CFAP74: variants seen among roughly 807,000 people sequenced by gnomAD.
The protein encoded by CFAP74 is cilia and flagella associated protein 74, also known as cilia- and flagella-associated protein 74.
Under a neutral mutation model 188.9 loss-of-function variants are expected in CFAP74, and 124 were observed. The ratio of observed to expected loss-of-function variants is 0.66; its 90% CI spans 0.57 to 0.76. The LOEUF (loss-of-function observed/expected upper bound fraction) is 0.76, where lower values mean the gene tolerates loss of function less well. CFAP74 is among the 30% of genes least tolerant of loss of function. The pLI, the probability that CFAP74 is intolerant of heterozygous loss-of-function variation, is 0.00. For synonymous variants in CFAP74, 956 were observed against 916.7 expected (o/e 1.04, Z -0.77); for missense variants, 2,198 against 2,165.2 (o/e 1.02, Z -0.30).
intron 12 of CFAP74, 96 bp downstream of exon 12, chr1:1,966,275 G>A (rs958083851): frequency 8.3e-7 from 1 of 1,198,302 alleles, no homozygotes; most frequent in African/African-American, 1.6e-5. Flanking sequence ...AAGCCTCAGA[G>A]CAGCTGGTGT....
chr1:1,985,377 C>T lies in CFAP74; in HGVS notation c.500+9G>A. On this transcript the variant is annotated intron_variant, in intron 6 of 38. Transcript: ENST00000682832. ...GCCTGCTGCCAGTCCCGGCTGCACA[C>T]CGACTCACTCGCTCTCCTTCAGCAC... is the stretch of plus-strand genomic sequence containing the variant. 6.2e-7 allele frequency: 1 copy of T among 1,611,778 alleles called. No homozygotes were observed. Among genetic ancestry groups the T allele is most frequent in the Non-Finnish European group, 8.5e-7 (1 of 1,177,970 alleles).
At chr1:1,953,126 GA>G (rs1041608536) in intron 18 of CFAP74, among the ~76,000 whole-genome samples, 1 of 151,650 alleles carries the variant, frequency 6.6e-6, no homozygotes, top group Non-Finnish European at 1.5e-5. Context: ...AAATATTGTG[GA>G]AAAAAAAGAA....
Position 1,972,954 on chromosome 1 carries a change from C to G in CFAP74, c.768G>C (p.Leu256=). Residue 256 remains leucine (L), a synonymous_variant, in exon 8 of 39, where the codon CTG becomes CTC. Coordinates refer to ENST00000682832, the MANE Select transcript of CFAP74 (RefSeq NM_001304360.2). ...RKNHKVAVRF[L]KASLGRIREQ... ...GGCCCTACCTTCCCAGGGAGGCCTT[C>G]AGGAACCGCACGGCAACCTTGTGGT... The G allele has an allele frequency of 6.2e-7, 1 of 1,613,840 alleles. No homozygotes were observed. The highest frequency in any genetic ancestry group is 8.5e-7 in the Non-Finnish European group (1 of 1,179,858).
At chr1:1,971,434 C>CACACACACATGCCAAT (rs1656067754) in intron 9 of CFAP74, among the ~76,000 whole-genome samples, 1 of 152,158 alleles carries the variant, frequency 6.6e-6, no homozygotes. Context: ...CACATGCAAA[C>CACACACACATGCCAAT]GTGCACACAC....
At chr1:1,971,004 A>C (rs1421129503) in intron 9 of CFAP74, among the ~76,000 whole-genome samples, 188 bp from the exon 10 acceptor site, 1 of 149,750 alleles carries the variant, frequency 6.7e-6, no homozygotes, top group Non-Finnish European at 1.5e-5. Context: ...ACACACGCAC[A>C]CCTGCACATG....
rs1474132172 is a variant in CFAP74 at position 1,948,903 on chromosome 1, CTTCCTTCCTTCCCT to C, written c.2177-1863_2177-1850del. On this transcript the variant is annotated intron_variant, in intron 18 of 38. Transcript: ENST00000682832. ...CTTCCTTCCTTCCCTCCCTCCTTCC[CTTCCTTCCTTCCCT>C]TTCCTTCCTTCCTCTTTCCTCCCTT... Among the ~76,000 whole-genome samples the C allele has an allele frequency of 1.7e-4, 8 of 47,844 alleles. No homozygotes were observed. In the South Asian group the frequency reaches 4.3e-3, roughly 26 times the overall value. The allele number at this position is 47,844 out of a possible 152,430, so 31.4% of individuals were successfully genotyped here. A position where few individuals can be genotyped will look rare whatever the true frequency, so the allele number is the denominator to read the frequency against.
chr1:1,974,178 T>G lies in CFAP74; in HGVS notation c.521A>C (p.Glu174Ala). Reference protein sequence around the residue: ...KESENTMWHIEIQEGRLEAFR... With the variant: ...KESENTMWHIAIQEGRLEAFR... ...GGCCTCGAGTCGCCCCTCCTGGATC[T>G]CGATGTGCCACATGGTGTTCCTTCA... is the stretch of plus-strand genomic sequence containing the variant. Residue 174 changes from glutamate to alanine, a missense_variant, in exon 7 of 39, where the codon GAG becomes GCG. Glu to Ala is a moderately radical substitution (Grantham distance 107, BLOSUM62 -1). Transcript: ENST00000682832. 1.2e-6 allele frequency: 2 copies of G among 1,607,236 alleles called. No individual in the cohort carries two copies. The highest frequency in any genetic ancestry group is 2.2e-5 in the South Asian group (2 of 90,412).
chr1:1,958,217 G>C (rs1468940843), intron 16 of CFAP74, among the ~76,000 whole-genome samples: 2 of 152,256 alleles, frequency 1.3e-5, no homozygotes, highest in Non-Finnish European at 2.9e-5. Context: ...GAGGGCGTCT[G>C]CTGATCTTCC....
intron 8 of CFAP74, 118 bp from the exon 9 acceptor site, chr1:1,972,200 C>A (rs1425482101): frequency 2.0e-5 from 15 of 752,596 alleles, no homozygotes; most frequent in Non-Finnish European, 3.4e-5. Context: ...CCTGTCTCAG[C>A]CTCCCAAAGC....
In CFAP74 at chr1:1,946,420, C is replaced by A; in HGVS notation, c.2261G>T (p.Gly754Val). 6.5e-7 allele frequency: 1 copy of A among 1,536,338 alleles called. No homozygotes were observed. The highest frequency in any genetic ancestry group is 8.7e-7 in the Non-Finnish European group (1 of 1,146,380). Residue 754 changes from glycine (G) to valine (V), a missense_variant, in exon 20 of 39, where the codon GGC becomes GTC. Gly to Val is a moderately radical substitution (Grantham distance 109, BLOSUM62 -3). Coordinates refer to ENST00000682832, the MANE Select transcript of CFAP74 (RefSeq NM_001304360.2). ...TLGEVTEGEI[G>V]PFSSIKVPIV... ...GGGCACCTTGATGGAGCTGAAGGGG[C>A]CAATTTCCCCTTCTGTTACCTGCAC... is the stretch of plus-strand genomic sequence containing the variant.
chr1:1,925,647 AG>A, intron 33 of CFAP74, 135 bp downstream of exon 33: 2 of 862,684 alleles, frequency 2.3e-6, no homozygotes, highest in Non-Finnish European at 3.5e-6. Flanking sequence ...TGTGTAGAGG[AG>A]GGGTAGAGGG....
At chr1:1,969,867 C>T (rs1046416683) in intron 10 of CFAP74, among the ~76,000 whole-genome samples, 4 of 152,228 alleles carry the variant, frequency 2.6e-5, no homozygotes, top group Non-Finnish European at 4.4e-5. Flanking sequence ...CAGTGATTGG[C>T]CAGGGCCGTG....
intron 1 of CFAP74, among the ~76,000 whole-genome samples, chr1:2,001,272 C>T (rs1658189012): frequency 6.6e-6 from 1 of 152,100 alleles, no homozygotes; most frequent in Non-Finnish European, 1.5e-5. Flanking sequence ...GACATATTTG[C>T]ATAGCTTCCA....
chr1:1,969,468 C>G, intron 10 of CFAP74, among the ~76,000 whole-genome samples: 1 of 148,976 alleles, frequency 6.7e-6, no homozygotes, highest in African/African-American at 2.5e-5. Flanking sequence ...CTGCCCAGCC[C>G]AGCCCTGCCC....
At chr1:1,940,752 T>C (rs1385875693) in intron 22 of CFAP74, among the ~76,000 whole-genome samples, 1 of 152,246 alleles carries the variant, frequency 6.6e-6, no homozygotes, top group East Asian at 1.9e-4. Flanking sequence ...AAAAGCCCTT[T>C]AAAAATGCAT....
At position 1,966,493 on chromosome 1, in the gene CFAP74, G is replaced by A. The variant is rs768546253; in HGVS notation, c.1279C>T (p.Arg427Trp). Reference protein sequence around the residue: ...YEAAAGPGPSRLLEVVSSELI... With the variant: ...YEAAAGPGPSWLLEVVSSELI... ...TCACTGGAAACGACTTCCAGCAACCGAGAGGGCCCGGGGCCTGCAGCAGCC... is the reference window on the plus strand; with the variant it reads ...TCACTGGAAACGACTTCCAGCAACCAAGAGGGCCCGGGGCCTGCAGCAGCC... Residue 427 changes from arginine to tryptophan, a missense_variant, in exon 12 of 39, where the codon CGG (arginine) becomes TGG (tryptophan). Physicochemically the swap from Arg to Trp is moderately radical, Grantham distance 101. Coordinates refer to ENST00000682832, the MANE Select transcript of CFAP74 (RefSeq NM_001304360.2). The A allele has an allele frequency of 1.8e-5, 28 of 1,596,636 alleles. 1 individual carries two copies. Among genetic ancestry groups the A allele is most frequent in the South Asian group, 5.6e-5 (5 of 89,172 alleles).
intron 14 of CFAP74, among the ~76,000 whole-genome samples, chr1:1,963,456 CAAAAAAAAAAAAAA>C (rs772909618): frequency 2.1e-4 from 7 of 32,880 alleles, no homozygotes; most frequent in African/African-American, 9.4e-4. Flanking sequence ...GACTCCATCT[CAAAAAAAAAAAAAA>C]AAAAAAAAAA....
intron 20 of CFAP74, 125 bp downstream of exon 20, chr1:1,946,192 C>T: frequency 2.5e-6 from 3 of 1,190,068 alleles, no homozygotes; most frequent in Non-Finnish European, 3.4e-6. Context: ...TGCCAACCAT[C>T]CGTGCCACCA....
At chr1:1,947,744 C>T (rs1020474080) in intron 18 of CFAP74, among the ~76,000 whole-genome samples, 4 of 152,388 alleles carry the variant, frequency 2.6e-5, no homozygotes, top group East Asian at 3.9e-4. Flanking sequence ...AGAGCCCCCA[C>T]GGGCTTGCCA....
Sources: gnomAD v4.1 joint callset for allele counts (sites outside exome capture counted in the v4.1 genomes callset) on GRCh38, gnomAD v4.1.1 for gene constraint, MANE v1.5 for transcripts, NCBI Gene and HGNC (gene_info 2026-07-23, HGNC 2026-07-21) for gene names.